Variants in NAALADL2 observed in about 807,000 individuals in gnomAD.
NAALADL2 encodes N-acetylated alpha-linked acidic dipeptidase like 2, also known as inactive N-acetylated-alpha-linked acidic dipeptidase-like protein 2.
Under a neutral mutation model 87.2 loss-of-function variants are expected in NAALADL2, and 76 were observed. That is an observed-to-expected ratio of 0.87 (90% confidence interval 0.72 to 1.05). NAALADL2 has a LOEUF of 1.05. Among genes scored for constraint, NAALADL2 ranks in the 50% least tolerant of loss-of-function variants. The probability of loss-of-function intolerance (pLI) is 0.00; values close to 1 mark genes in which losing one functional copy is unlikely to be tolerated. For synonymous variants in NAALADL2, 354 were observed against 331.0 expected (o/e 1.07, Z -0.75); for missense variants, 1,089 against 945.8 (o/e 1.15, Z -1.99).
chr3:174,859,621 G>A (rs1271371340), intron 1 of NAALADL2, among the ~76,000 whole-genome samples, 171 bp downstream of exon 1: 2 of 152,220 alleles, frequency 1.3e-5, no homozygotes, highest in South Asian at 2.1e-4. Flanking sequence ...AAGAGGTGGA[G>A]ATTGTTGATT....
intron 11 of NAALADL2, among the ~76,000 whole-genome samples, chr3:175,632,268 C>CTT (rs1391689068): frequency 4.2e-5 from 2 of 47,078 alleles, no homozygotes; most frequent in African/African-American, 3.3e-4. Context: ...CTTTCCCCTT[C>CTT]TCTCTCTCTC....
rs560991523 is a variant in NAALADL2, at chr3:174,763,540, T to C, written c.-9+25794T>C. On this transcript the variant is annotated intron_variant, in intron 3 of 3. Coordinates refer to the NAALADL2 transcript ENST00000434257. ...AGGTAGAGGTTGCAGTGAACCGAGA[T>C]TGCGCCACTGCACTCCATCCTGGGC... 7.8e-5 allele frequency among the ~76,000 whole-genome samples: 10 copies of C among 128,566 alleles called. No individual in the cohort carries two copies. In the East Asian group the frequency reaches 1.6e-3, roughly 21 times the overall value. 84.3% of individuals were successfully genotyped at this position (128,566 alleles called of 152,430 possible). A position where few individuals can be genotyped will look rare whatever the true frequency, so the allele number is the denominator to read the frequency against.
intron 4 of NAALADL2, among the ~76,000 whole-genome samples, chr3:175,293,733 T>A (rs1384986937): frequency 1.3e-5 from 2 of 152,220 alleles, no homozygotes; most frequent in Non-Finnish European, 2.9e-5. Flanking sequence ...AACCTGAAAG[T>A]GAACCCTCAT....
intron 3 of NAALADL2, among the ~76,000 whole-genome samples, chr3:174,797,756 TGTTA>T (rs1447208399): frequency 2.6e-5 from 4 of 152,324 alleles, no homozygotes; most frequent in Admixed American, 2.0e-4. Flanking sequence ...ATTAAATTGC[TGTTA>T]GTTAAGCCAA....
intron 5 of NAALADL2, among the ~76,000 whole-genome samples, chr3:175,395,032 G>A (rs142052980): frequency 5.9e-4 from 90 of 151,962 alleles, no homozygotes; most frequent in African/African-American, 1.9e-3. Flanking sequence ...CTACTTTCAT[G>A]CTTTGGACCT....
At chr3:174,956,486 C>T (rs1260366958) in intron 1 of NAALADL2, among the ~76,000 whole-genome samples, 1 of 152,010 alleles carries the variant, frequency 6.6e-6, no homozygotes, top group African/African-American at 2.4e-5. Context: ...TCACTTTTAT[C>T]TCCTATAAAA....
intron 5 of NAALADL2, among the ~76,000 whole-genome samples, chr3:175,429,176 TACACACACACACAC>T (rs749991023): frequency 1.6e-5 from 2 of 125,510 alleles, no homozygotes; most frequent in African/African-American, 2.8e-5. Context: ...TATATATATG[TACACACACACACAC>T]ACACACACAC....
chr3:174,497,470 AAAG>A (rs1159817497), intron 1 of NAALADL2, among the ~76,000 whole-genome samples: 3 of 121,854 alleles, frequency 2.5e-5, no homozygotes, highest in Non-Finnish European at 5.2e-5. Flanking sequence ...CTCTATTTAA[AAAG>A]AAGAAGCGAA....
intron 13 of NAALADL2, among the ~76,000 whole-genome samples, chr3:175,785,533 C>CT (rs1218779661): frequency 7.6e-6 from 1 of 131,848 alleles, no homozygotes. Context: ...CAACCCCTGC[C>CT]TTTTTTTGTT....
chr3:174,768,529 G>T (rs1211356723), intron 3 of NAALADL2, among the ~76,000 whole-genome samples: 2 of 152,138 alleles, frequency 1.3e-5, no homozygotes, highest in Admixed American at 6.5e-5. Context: ...TGACTCAAAT[G>T]ACATGCTAAG....
At chr3:175,112,288 ATATAT>A (rs1724324642) in intron 2 of NAALADL2, among the ~76,000 whole-genome samples, 1 of 151,334 alleles carries the variant, frequency 6.6e-6, no homozygotes, top group African/African-American at 2.4e-5. Context: ...ATTCTTGTTA[ATATAT>A]TTTTCCTGTC....
chr3:175,616,977 G>A (rs1211396220), intron 10 of NAALADL2, among the ~76,000 whole-genome samples: 1 of 152,094 alleles, frequency 6.6e-6, no homozygotes, highest in East Asian at 1.9e-4. Context: ...ATTAATGTCT[G>A]AGTCCACCAA....
chr3:175,157,853 T>C (rs1458087969), intron 2 of NAALADL2, among the ~76,000 whole-genome samples: 1 of 152,070 alleles, frequency 6.6e-6, no homozygotes, highest in Non-Finnish European at 1.5e-5. Flanking sequence ...AGGACTGAAG[T>C]TGATCAACAT....
At chr3:175,236,824 G>T (rs1745982572) in intron 3 of NAALADL2, among the ~76,000 whole-genome samples, 2 of 152,150 alleles carry the variant, frequency 1.3e-5, no homozygotes, top group East Asian at 1.9e-4. Context: ...TTTTGTAAAA[G>T]TCTAGGCTGA....
chr3:174,686,209 G>A (rs980321770), intron 2 of NAALADL2, among the ~76,000 whole-genome samples: 3 of 152,030 alleles, frequency 2.0e-5, no homozygotes, highest in African/African-American at 7.2e-5. Context: ...TGGATTAAAT[G>A]GTATTTCTGT....
chr3:175,692,152 T>C (rs910789757), intron 11 of NAALADL2, among the ~76,000 whole-genome samples: 1 of 152,182 alleles, frequency 6.6e-6, no homozygotes, highest in Admixed American at 6.6e-5. Context: ...TCTGGTTACA[T>C]TTCTATGATT....
At chr3:174,703,808 T>C (rs1055258661) in intron 2 of NAALADL2, among the ~76,000 whole-genome samples, 2 of 152,198 alleles carry the variant, frequency 1.3e-5, no homozygotes, top group Non-Finnish European at 2.9e-5. Flanking sequence ...TATACTCTAC[T>C]CTGCTCTTAG....
chr3:175,474,655 TG>T (rs1210900822), intron 9 of NAALADL2, among the ~76,000 whole-genome samples: 1 of 152,152 alleles, frequency 6.6e-6, no homozygotes, highest in East Asian at 1.9e-4. Context: ...ACGGCATCTC[TG>T]TCACAGTCAC....
intron 9 of NAALADL2, among the ~76,000 whole-genome samples, chr3:175,565,746 T>G (rs1032734473): frequency 6.6e-5 from 10 of 151,966 alleles, no homozygotes; most frequent in African/African-American, 2.4e-4. Context: ...TTTCTTCAAT[T>G]GTGAATATTT....
Sources: gnomAD v4.1 joint callset for allele counts (sites outside exome capture counted in the v4.1 genomes callset) on GRCh38, gnomAD v4.1.1 for gene constraint, MANE v1.5 for transcripts, NCBI Gene and HGNC (gene_info 2026-07-23, HGNC 2026-07-21) for gene names.